CTNNA2: variants seen among roughly 807,000 people sequenced by gnomAD.
CTNNA2 encodes catenin alpha-2.
In CTNNA2, 42 loss-of-function variants were observed where a neutral mutation model predicts 101.0. The observed-to-expected ratio is 0.42, with a 90% CI of 0.32 to 0.54. The LOEUF (loss-of-function observed/expected upper bound fraction) is 0.54, where lower values mean the gene tolerates loss of function less well. CTNNA2 is among the 20% of genes least tolerant of loss of function. CTNNA2 has a pLI of 0.14. For synonymous variants in CTNNA2, 450 were observed against 456.4 expected (o/e 0.99, Z 0.18); for missense variants, 871 against 1,223.1 (o/e 0.71, Z 4.29).
chr2:79,452,780 C>T (rs1441662234), intron 4 of CTNNA2, among the ~76,000 whole-genome samples: 1 of 152,020 alleles, frequency 6.6e-6, no homozygotes, highest in African/African-American at 2.4e-5. Context: ...ATTCACATCC[C>T]ATTTATAAAG....
At chr2:79,378,146 A>G (rs951672596) in intron 4 of CTNNA2, among the ~76,000 whole-genome samples, 7 of 152,142 alleles carry the variant, frequency 4.6e-5, no homozygotes, top group African/African-American at 1.7e-4. Context: ...ACTATTGTAT[A>G]CATGCTTAAG....
At chr2:79,911,046 A>G (rs1381613568) in intron 7 of CTNNA2, among the ~76,000 whole-genome samples, 1 of 152,204 alleles carries the variant, frequency 6.6e-6, no homozygotes, top group Non-Finnish European at 1.5e-5. Context: ...ATGTGGATGC[A>G]TCATGTGGCA....
chr2:79,188,483 C>T (rs1572970031), intron 1 of CTNNA2, among the ~76,000 whole-genome samples: 1 of 152,174 alleles, frequency 6.6e-6, no homozygotes, highest in Admixed American at 6.5e-5. Flanking sequence ...GTGACCCCAC[C>T]TATTGCTGGA....
At chr2:80,220,631 A>G (rs992054373) in intron 7 of CTNNA2, among the ~76,000 whole-genome samples, 1 of 152,142 alleles carries the variant, frequency 6.6e-6, no homozygotes, top group Non-Finnish European at 1.5e-5. Flanking sequence ...GTACTGCTGC[A>G]TTTGTCATGG....
chr2:79,613,997 AACAG>A (rs1275880919), intron 1 of CTNNA2, among the ~76,000 whole-genome samples: 3 of 152,222 alleles, frequency 2.0e-5, no homozygotes, highest in Admixed American at 6.5e-5. Context: ...TTCATTCAAG[AACAG>A]ACAGTCTGAC....
intron 3 of CTNNA2, among the ~76,000 whole-genome samples, chr2:79,748,714 G>A: frequency 6.6e-6 from 1 of 151,798 alleles, no homozygotes; most frequent in East Asian, 1.9e-4. Flanking sequence ...GCTAAACAGT[G>A]TTATTTGAAT....
At chr2:79,228,625 G>A (rs1345960187) in intron 2 of CTNNA2, among the ~76,000 whole-genome samples, 1 of 151,246 alleles carries the variant, frequency 6.6e-6, no homozygotes, top group Non-Finnish European at 1.5e-5. Flanking sequence ...CGTGATTTAA[G>A]TTCCTTGTAG....
At chr2:80,242,136 T>A (rs1192875750) in intron 7 of CTNNA2, among the ~76,000 whole-genome samples, 1 of 152,194 alleles carries the variant, frequency 6.6e-6, no homozygotes, top group Non-Finnish European at 1.5e-5. Context: ...TAATACCAAG[T>A]ACAACTGAGA....
intron 7 of CTNNA2, among the ~76,000 whole-genome samples, chr2:80,173,179 C>T (rs1474687848): frequency 6.6e-6 from 1 of 152,184 alleles, no homozygotes; most frequent in Non-Finnish European, 1.5e-5. Context: ...TGGAAAGCAG[C>T]CTAGTCTTGG....
intron 3 of CTNNA2, among the ~76,000 whole-genome samples, chr2:79,849,710 G>A (rs969984387): frequency 1.3e-5 from 2 of 152,164 alleles, no homozygotes; most frequent in Non-Finnish European, 2.9e-5. Flanking sequence ...CTTTCCTTTA[G>A]CAAATGTTTT....
At chr2:80,237,318 C>G (rs1044369476) in intron 7 of CTNNA2, among the ~76,000 whole-genome samples, 4 of 152,122 alleles carry the variant, frequency 2.6e-5, no homozygotes, top group Non-Finnish European at 5.9e-5. Context: ...ACATACAGTA[C>G]CCAAATTACA....
intron 7 of CTNNA2, among the ~76,000 whole-genome samples, chr2:80,284,397 A>G (rs1674594980): frequency 6.6e-6 from 1 of 152,124 alleles, no homozygotes; most frequent in South Asian, 2.1e-4. Context: ...TATCCAGAGC[A>G]GTTCTTCCAA....
At chr2:79,744,964 ATTATTC>A (rs1291252162) in intron 3 of CTNNA2, among the ~76,000 whole-genome samples, 1 of 152,120 alleles carries the variant, frequency 6.6e-6, no homozygotes, top group East Asian at 1.9e-4. Context: ...TTATAAGAGA[ATTATTC>A]TTATTTTTCT....
At chr2:79,351,942 T>C (rs1006172648) in intron 3 of CTNNA2, among the ~76,000 whole-genome samples, 6 of 152,250 alleles carry the variant, frequency 3.9e-5, no homozygotes, top group African/African-American at 1.2e-4. Context: ...TTTCCTTTGG[T>C]ATGAGATTTC....
intron 3 of CTNNA2, among the ~76,000 whole-genome samples, chr2:79,809,491 A>G (rs1002364313): frequency 2.0e-5 from 3 of 152,176 alleles, no homozygotes; most frequent in African/African-American, 4.8e-5. Context: ...TGTAACTGGC[A>G]TGAGATGTTA....
intron 9 of CTNNA2, among the ~76,000 whole-genome samples, chr2:80,525,329 CAT>C (rs1490194897): frequency 4.6e-5 from 7 of 152,042 alleles, no homozygotes; most frequent in African/African-American, 1.7e-4. Flanking sequence ...GCTGGAGTCT[CAT>C]AGGGCAGGTC....
intron 7 of CTNNA2, among the ~76,000 whole-genome samples, chr2:80,373,688 A>T (rs1238912986): frequency 6.6e-6 from 1 of 152,166 alleles, no homozygotes; most frequent in African/African-American, 2.4e-5. Flanking sequence ...CTAATAAGAG[A>T]TGTAAGACTC....
intron 7 of CTNNA2, among the ~76,000 whole-genome samples, chr2:79,915,935 A>T (rs917384480): frequency 6.6e-6 from 1 of 152,206 alleles, no homozygotes; most frequent in Non-Finnish European, 1.5e-5. Flanking sequence ...CATCAGAAAG[A>T]TAACTTTGCC....
chr2:79,974,816 A>G (rs947966416), intron 7 of CTNNA2, among the ~76,000 whole-genome samples: 5 of 152,312 alleles, frequency 3.3e-5, no homozygotes, highest in African/African-American at 1.2e-4. Context: ...GACATTAATC[A>G]ATGAGAAGAA....
Sources: gnomAD v4.1 joint callset for allele counts (sites outside exome capture counted in the v4.1 genomes callset) on GRCh38, gnomAD v4.1.1 for gene constraint, MANE v1.5 for transcripts, NCBI Gene and HGNC (gene_info 2026-07-23, HGNC 2026-07-21) for gene names.